FRG1: variants seen among roughly 807,000 people sequenced by gnomAD.
FRG1 encodes protein FRG1.
Under a neutral mutation model 37.0 loss-of-function variants are expected in FRG1, and 19 were observed. That is an observed-to-expected ratio of 0.51 (90% CI 0.36 to 0.75). FRG1 has a LOEUF of 0.75. FRG1 is among the 30% of genes least tolerant of loss of function. The pLI is 0.00. For missense variants in FRG1, 243 were observed against 301.4 expected, an observed-to-expected ratio of 0.81 and a Z score of 1.44; for synonymous variants, 73 against 96.5, an observed-to-expected ratio of 0.76 and a Z score of 1.43.
intron 2 of FRG1, among the ~76,000 whole-genome samples, chr4:189,946,214 CA>C (rs1397679053): frequency 1.3e-5 from 2 of 150,198 alleles, no homozygotes; most frequent in Non-Finnish European, 2.9e-5. Flanking sequence ...TCGTTTAGTA[CA>C]GGTGTATTCA....
intron 1 of FRG1, among the ~76,000 whole-genome samples, 163 bp downstream of exon 1, chr4:189,941,234 G>T (rs966495167): frequency 6.6e-6 from 1 of 152,176 alleles, no homozygotes. Flanking sequence ...GCGGTTCCCG[G>T]CGTCTGTGCA....
intron 4 of FRG1, among the ~76,000 whole-genome samples, chr4:189,953,797 T>G (rs1023106736): frequency 4.7e-4 from 71 of 152,230 alleles, no homozygotes; most frequent in African/African-American, 1.6e-3. Context: ...TGATTATTTC[T>G]GTACTTTCTT....
At chr4:189,943,083 C>T in intron 1 of FRG1, 119 bp from the exon 2 acceptor site, 1 of 1,149,180 alleles carries the variant, frequency 8.7e-7, no homozygotes, top group Non-Finnish European at 1.2e-6. Flanking sequence ...CAATGTAAGT[C>T]TTCCTAAATC....
chr4:189,958,928 T>C (rs1294023011), intron 6 of FRG1, among the ~76,000 whole-genome samples: 2 of 152,304 alleles, frequency 1.3e-5, no homozygotes, highest in East Asian at 1.9e-4. Flanking sequence ...CTTGCTTTGT[T>C]TGTCTCTGTT....
At chr4:189,953,980 A>G (rs981239029) in intron 4 of FRG1, among the ~76,000 whole-genome samples, 28 of 152,182 alleles carry the variant, frequency 1.8e-4, no homozygotes, top group Admixed American at 1.2e-3. Context: ...TACTCTTCAT[A>G]TGTATCTTGT....
chr4:189,941,277 G>A (rs1736284725), intron 1 of FRG1, among the ~76,000 whole-genome samples: 1 of 152,174 alleles, frequency 6.6e-6, no homozygotes, highest in Non-Finnish European at 1.5e-5. Flanking sequence ...GACGACCCTG[G>A]AAACAGGATA....
chr4:189,963,126 G>A lies in FRG1; in HGVS notation c.774G>A (p.Lys258=), dbSNP rs74414991. ...AATTGAAAGCCGACAGATACTGCAA[G>A]TGACTGGGATTTTTGTTTCTGCCTT... ...RAKLKADRYC[K] Residue 258 remains lysine, a synonymous_variant, in exon 9 of 9, where the codon AAG becomes AAA. Coordinates refer to ENST00000226798, the MANE Select transcript of FRG1 (RefSeq NM_004477.3). 6.2e-7 allele frequency: 1 copy of A among 1,611,820 alleles called. No individual in the cohort carries two copies.
chr4:189,943,842 C>G (rs1276742990), intron 2 of FRG1, among the ~76,000 whole-genome samples: 2 of 152,068 alleles, frequency 1.3e-5, no homozygotes. Context: ...TTTGAATCTT[C>G]ATAAATTATG....
chr4:189,942,467 C>A (rs1228014718), intron 1 of FRG1, among the ~76,000 whole-genome samples: 1 of 152,180 alleles, frequency 6.6e-6, no homozygotes, highest in Non-Finnish European at 1.5e-5. Flanking sequence ...AGAAATCATG[C>A]AACATGTGGC....
chr4:189,954,083 A>G (rs1736876282), intron 4 of FRG1, among the ~76,000 whole-genome samples: 1 of 152,174 alleles, frequency 6.6e-6, no homozygotes, highest in Non-Finnish European at 1.5e-5. Flanking sequence ...CAGATAATCT[A>G]AAAACTAAAA....
At position 189,961,926 on chromosome 4, in the gene FRG1, T is replaced by C; in HGVS notation, c.734T>C (p.Leu245Pro). 6.7e-7 allele frequency: 1 copy of C among 1,503,674 alleles called. No homozygotes were observed. The highest frequency in any genetic ancestry group is 9.1e-7 in the Non-Finnish European group (1 of 1,101,486). 93.1% of individuals were successfully genotyped at this position (1,503,674 alleles called of 1,614,324 possible). A position where few individuals can be genotyped will look rare whatever the true frequency, so the allele number is the denominator to read the frequency against. The part of the protein sequence containing the change: ...RKDGFLHETL[L>P]DRRAKLKADR... ...GATGGATTTTTGCATGAGACGCTTC[T>C]GGACAGGTAGCTATTTATTTACTTA... Residue 245 changes from leucine to proline, a missense_variant, in exon 8 of 9, where the codon CTG (leucine) becomes CCG (proline). By Grantham distance (98) the Leu-to-Pro change is moderately conservative. Coordinates refer to ENST00000226798, the MANE Select transcript of FRG1 (RefSeq NM_004477.3).
chr4:189,954,737 T>C (rs1016414143), intron 4 of FRG1, among the ~76,000 whole-genome samples: 13 of 151,892 alleles, frequency 8.6e-5, no homozygotes, highest in Admixed American at 7.9e-4. Context: ...TGGTATCACA[T>C]GTGCATGCCG....
At chr4:189,956,200 G>A (rs1437120476) in intron 5 of FRG1, among the ~76,000 whole-genome samples, 2 of 152,004 alleles carry the variant, frequency 1.3e-5, no homozygotes, top group East Asian at 3.8e-4. Flanking sequence ...CTTCCTCTGT[G>A]AGTCTGTGTG....
chr4:189,962,968 A>T (rs1242896398), intron 8 of FRG1, 125 bp from the exon 9 acceptor site: 2 of 492,032 alleles, frequency 4.1e-6, no homozygotes, highest in African/African-American at 4.0e-5. Context: ...TACATATTTT[A>T]ATAAAAGTGT....
At chr4:189,957,034 T>C (rs1737011180) in intron 5 of FRG1, among the ~76,000 whole-genome samples, 2 of 152,206 alleles carry the variant, frequency 1.3e-5, no homozygotes, top group Admixed American at 1.3e-4. Flanking sequence ...AATGCTAATA[T>C]TTGAATAAAG....
chr4:189,960,326 T>G (rs796672122), intron 6 of FRG1, among the ~76,000 whole-genome samples: 17 of 152,250 alleles, frequency 1.1e-4, no homozygotes, highest in Non-Finnish European at 2.4e-4. Flanking sequence ...TGTTAAAAGT[T>G]TTAATACTTT....
chr4:189,957,262 T>G, intron 5 of FRG1, 136 bp from the exon 6 acceptor site: 1 of 1,209,974 alleles, frequency 8.3e-7, no homozygotes. Context: ...GTTCTTGTAT[T>G]ATATTTTTCA....
chr4:189,954,145 A>G (rs1361971275), intron 4 of FRG1, among the ~76,000 whole-genome samples: 1 of 152,176 alleles, frequency 6.6e-6, no homozygotes, highest in Non-Finnish European at 1.5e-5. Flanking sequence ...TAAAATGCAA[A>G]TTTATAGGAT....
chr4:189,948,957 T>A (rs1300289177), intron 2 of FRG1, among the ~76,000 whole-genome samples: 3 of 152,260 alleles, frequency 2.0e-5, no homozygotes, highest in Non-Finnish European at 2.9e-5. Context: ...CCTCTCAAAG[T>A]GCTGGATTAC....
Sources: allele counts gnomAD v4.1 joint callset (sites outside exome capture counted in the v4.1 genomes callset), GRCh38; gene constraint gnomAD v4.1.1; transcripts MANE v1.5; gene names NCBI Gene and HGNC (gene_info 2026-07-23, HGNC 2026-07-21).